DLC1: variants seen among roughly 807,000 people sequenced by gnomAD.
DLC1 encodes the protein rho GTPase-activating protein 7.
DLC1 carries 54 observed loss-of-function variants against 140.3 expected under a neutral mutation model. The ratio of observed to expected loss-of-function variants is 0.38; its 90% CI spans 0.31 to 0.48. DLC1 has a LOEUF of 0.48. Ranked by LOEUF, DLC1 falls within the 20% of genes least tolerant of loss-of-function variation. The pLI is 0.96. For synonymous variants in DLC1, 986 were observed against 728.1 expected (o/e 1.35, Z -5.70); for missense variants, 2,536 against 1,907.0 (o/e 1.33, Z -6.14).
At chr8:13,433,958 C>T (rs575695745) in intron 2 of DLC1, among the ~76,000 whole-genome samples, 1 of 152,302 alleles carries the variant, frequency 6.6e-6, no homozygotes, top group East Asian at 1.9e-4. Context: ...TGGGTTCAAG[C>T]AATTCTTCTG....
chr8:13,354,353 C>A (rs1188270482), intron 4 of DLC1, among the ~76,000 whole-genome samples: 1 of 152,044 alleles, frequency 6.6e-6, no homozygotes, highest in African/African-American at 2.4e-5. Flanking sequence ...TGACTTTGAG[C>A]TTGGTGAAAG....
At chr8:13,155,146 T>A (rs1338176048) in intron 5 of DLC1, among the ~76,000 whole-genome samples, 4 of 145,932 alleles carry the variant, frequency 2.7e-5, no homozygotes, top group Non-Finnish European at 4.6e-5. Flanking sequence ...TTTTTTTTTT[T>A]AAAGCGAATG....
At chr8:13,361,630 G>A (rs1302139617) in intron 4 of DLC1, among the ~76,000 whole-genome samples, 1 of 152,026 alleles carries the variant, frequency 6.6e-6, no homozygotes, top group Non-Finnish European at 1.5e-5. Flanking sequence ...TAAGTAGAAT[G>A]TGTTTAAAAA....
At chr8:13,237,238 TATAC>T (rs753477107) in intron 5 of DLC1, among the ~76,000 whole-genome samples, 10,354 of 116,130 alleles carry the variant, frequency 0.089, 544 homozygotes, top group Middle Eastern at 0.13. Context: ...CATATATATA[TATAC>T]ACACACACAC....
intron 4 of DLC1, among the ~76,000 whole-genome samples, chr8:13,343,105 A>C (rs1432761227): frequency 2.0e-5 from 3 of 152,222 alleles, no homozygotes; most frequent in Non-Finnish European, 4.4e-5. Context: ...TATTTTTGTG[A>C]AACAGGCGCA....
chr8:13,123,380 T>A (rs1821269883), intron 5 of DLC1, among the ~76,000 whole-genome samples: 1 of 151,600 alleles, frequency 6.6e-6, no homozygotes, highest in East Asian at 1.9e-4. Flanking sequence ...CAACTCTGTC[T>A]CCCAGGCCGG....
At chr8:13,594,498 A>G (rs941791492) in intron 1 of DLC1, among the ~76,000 whole-genome samples, 1 of 152,014 alleles carries the variant, frequency 6.6e-6, no homozygotes, top group Non-Finnish European at 1.5e-5. Context: ...CTTCCTCTGC[A>G]TTCTGAGAGA....
intron 2 of DLC1, among the ~76,000 whole-genome samples, chr8:13,496,785 CCTTTTTTTTT>C (rs775419036): frequency 1.2e-4 from 1 of 8,630 alleles, no homozygotes; most frequent in Non-Finnish European, 6.9e-4. Flanking sequence ...TAGACCATTT[CCTTTTTTTTT>C]TTTTTTTTTT....
intron 5 of DLC1, among the ~76,000 whole-genome samples, chr8:13,156,607 C>T (rs1391343300): frequency 1.3e-5 from 2 of 152,172 alleles, no homozygotes; most frequent in African/African-American, 4.8e-5. Context: ...AGGGCGTAAT[C>T]ATACTGGTTA....
intron 5 of DLC1, among the ~76,000 whole-genome samples, chr8:13,244,007 T>C (rs1035370952): frequency 2.0e-5 from 3 of 152,196 alleles, no homozygotes; most frequent in African/African-American, 7.2e-5. Flanking sequence ...ATTCCTCACC[T>C]GGGGGAACCA....
chr8:13,379,420 CCTAGCCTG>C (rs1836151444), intron 4 of DLC1, among the ~76,000 whole-genome samples: 1 of 152,150 alleles, frequency 6.6e-6, no homozygotes, highest in Non-Finnish European at 1.5e-5. Flanking sequence ...CCTAGCTTAG[CCTAGCCTG>C]TCTTAAATGT....
At chr8:13,129,615 C>G (rs1266061693) in intron 5 of DLC1, among the ~76,000 whole-genome samples, 1 of 152,176 alleles carries the variant, frequency 6.6e-6, no homozygotes, top group South Asian at 2.1e-4. Flanking sequence ...GATCCCAACT[C>G]ATGTAATTCA....
chr8:13,462,669 G>A (rs1415583634), intron 2 of DLC1, among the ~76,000 whole-genome samples: 2 of 152,152 alleles, frequency 1.3e-5, no homozygotes, highest in Non-Finnish European at 2.9e-5. Context: ...GTCTCCCAAA[G>A]TGCTGGGATT....
rs1051378709 is a variant in DLC1 at position 13,599,801 on chromosome 8, T to C, written c.-126+4736A>G. 6.6e-5 allele frequency among the ~76,000 whole-genome samples: 10 copies of C among 151,960 alleles called. No homozygotes were observed. The East Asian group carries it at 1.9e-3, about 29-fold the overall frequency. On this transcript the variant is annotated intron_variant, in intron 1 of 1. Transcript: ENST00000631382. The stretch of plus-strand genomic sequence containing the variant: ...TCAATAGGGAAATGCAAAGGTCCTT[T>C]AGTAGCCACAGCAATTCTTAAGAAA...
chr8:13,154,724 G>A (rs913428048), intron 5 of DLC1, among the ~76,000 whole-genome samples: 7 of 152,318 alleles, frequency 4.6e-5, no homozygotes, highest in African/African-American at 1.4e-4. Flanking sequence ...CCGAGAGCGA[G>A]CGAGGGCTGC....
Position 13,200,496 on chromosome 8 carries a change from T to A in DLC1, c.1349-84839A>T, listed in dbSNP as rs558703377. Among the ~76,000 whole-genome samples the A allele has an allele frequency of 1.2e-4, 18 of 152,348 alleles. No individual in the cohort carries two copies. In the South Asian group the frequency reaches 3.7e-3, roughly 32 times the overall value. On this transcript the variant is annotated intron_variant, in intron 5 of 17. Coordinates refer to ENST00000276297, the MANE Select transcript of DLC1 (RefSeq NM_182643.3). ...AGACGAATTGGTTTAGGAACCCACA[T>A]TCTTAATAAAAGTAGACTTAAATAC...
chr8:13,424,724 C>G (rs1383483565), intron 2 of DLC1, among the ~76,000 whole-genome samples: 12 of 151,922 alleles, frequency 7.9e-5, no homozygotes, highest in Admixed American at 4.6e-4. Context: ...AGGCACCCAC[C>G]ACCTCGCTTG....
chr8:13,311,565 A>G (rs572737221), intron 4 of DLC1, among the ~76,000 whole-genome samples: 2 of 152,244 alleles, frequency 1.3e-5, no homozygotes, highest in Admixed American at 1.3e-4. Context: ...AAAAGGACAC[A>G]TCTTATTTAA....
intron 3 of DLC1, among the ~76,000 whole-genome samples, chr8:13,393,914 A>C (rs141501539): frequency 2.1e-3 from 315 of 152,340 alleles, no homozygotes; most frequent in African/African-American, 7.4e-3. Context: ...GAAAGAGGTA[A>C]CATACTATTT....
Sources: gnomAD v4.1 joint callset for allele counts (sites outside exome capture counted in the v4.1 genomes callset) on GRCh38, gnomAD v4.1.1 for gene constraint, MANE v1.5 for transcripts, NCBI Gene and HGNC (gene_info 2026-07-23, HGNC 2026-07-21) for gene names.